The following ATG10 variants were observed in gnomAD, a reference collection of about 807,000 sequenced individuals.
ATG10 encodes the protein ubiquitin-like-conjugating enzyme ATG10.
ATG10 carries 30 observed loss-of-function variants against 32.1 expected under a neutral mutation model. The observed-to-expected ratio is 0.94, with a 90% CI of 0.70 to 1.27. The LOEUF (loss-of-function observed/expected upper bound fraction) is 1.27. Ranked by LOEUF, ATG10 falls within the 50% of genes most tolerant of loss-of-function variation. The pLI is 0.00. For synonymous variants in ATG10, 87 were observed against 91.5 expected (o/e 0.95, Z 0.28); for missense variants, 233 against 262.3 (o/e 0.89, Z 0.77).
intron 5 of ATG10, among the ~76,000 whole-genome samples, chr5:82,221,545 C>G (rs1488609487): frequency 6.6e-6 from 1 of 152,134 alleles, no homozygotes; most frequent in Non-Finnish European, 1.5e-5. Flanking sequence ...TACACCGTGT[C>G]TTGGTGTGGC....
At chr5:81,993,141 A>G (rs964552476) in intron 2 of ATG10, among the ~76,000 whole-genome samples, 2 of 152,132 alleles carry the variant, frequency 1.3e-5, no homozygotes, top group Non-Finnish European at 2.9e-5. Flanking sequence ...TTTACCATTT[A>G]CTAACTGGAT....
At chr5:82,158,958 C>T (rs1202495780) in intron 3 of ATG10, among the ~76,000 whole-genome samples, 1 of 151,940 alleles carries the variant, frequency 6.6e-6, no homozygotes, top group Admixed American at 6.6e-5. Context: ...AATACTGAGC[C>T]CTATATATAC....
At chr5:82,151,236 G>A (rs934299014) in intron 3 of ATG10, among the ~76,000 whole-genome samples, 1 of 152,120 alleles carries the variant, frequency 6.6e-6, no homozygotes, top group East Asian at 1.9e-4. Context: ...TATTTTAAGA[G>A]AGATGAGGTC....
Position 82,255,193 on chromosome 5 carries a change from A to T in ATG10, c.*1130A>T, listed in dbSNP as rs967772500. On this transcript the variant is annotated 3_prime_UTR_variant, in exon 8 of 8. Coordinates refer to ENST00000282185, the MANE Select transcript of ATG10 (RefSeq NM_031482.5). ...CATGTCCCTGAGACTTATTTTCCTCATCTTTAATTTGAAACTAACAAGCTA... is the reference window on the plus strand; with the variant it reads ...CATGTCCCTGAGACTTATTTTCCTCTTCTTTAATTTGAAACTAACAAGCTA... 1 of 152,156 alleles carries T rather than the reference A, an allele frequency of 6.6e-6. No individual in the cohort carries two copies. Among genetic ancestry groups the T allele is most frequent in the East Asian group, 1.9e-4 (1 of 5,200 alleles). 9.4% of individuals were successfully genotyped at this position (152,156 alleles called of 1,614,324 possible). A position where few individuals can be genotyped will look rare whatever the true frequency, so the allele number is the denominator to read the frequency against.
intron 3 of ATG10, among the ~76,000 whole-genome samples, chr5:82,128,624 C>T (rs965835001): frequency 6.7e-6 from 1 of 150,318 alleles, no homozygotes; most frequent in Non-Finnish European, 1.5e-5. Flanking sequence ...CCCCCACTCT[C>T]TTCTGGCTTG....
intron 2 of ATG10, among the ~76,000 whole-genome samples, chr5:82,008,555 ATACT>A (rs1185107475): frequency 6.6e-6 from 1 of 152,244 alleles, no homozygotes. Context: ...GAAAGCTATA[ATACT>A]TCACAAATTT....
intron 1 of ATG10, among the ~76,000 whole-genome samples, chr5:81,983,639 G>C (rs528033139): frequency 4.6e-5 from 7 of 150,878 alleles, no homozygotes; most frequent in South Asian, 2.1e-4. Flanking sequence ...CGGGCGGGGG[G>C]GCTGACCCTC....
chr5:82,045,321 A>T (rs1205014157), intron 2 of ATG10, among the ~76,000 whole-genome samples: 1 of 152,172 alleles, frequency 6.6e-6, no homozygotes, highest in African/African-American at 2.4e-5. Context: ...TTAGGTTAAG[A>T]CATTATATAT....
chr5:81,983,724 TA>T, intron 1 of ATG10, among the ~76,000 whole-genome samples: 1 of 119,886 alleles, frequency 8.3e-6, no homozygotes. Context: ...CTGCCGGGCG[TA>T]GGGGCTTCTC....
intron 2 of ATG10, among the ~76,000 whole-genome samples, chr5:81,989,583 T>C (rs905520398): frequency 6.6e-6 from 1 of 152,116 alleles, no homozygotes; most frequent in Non-Finnish European, 1.5e-5. Context: ...TTTTATAGTT[T>C]TGTTTGCTAT....
chr5:82,118,317 T>C (rs1384978237), intron 3 of ATG10, among the ~76,000 whole-genome samples: 1 of 143,346 alleles, frequency 7.0e-6, no homozygotes, highest in Non-Finnish European at 1.5e-5. Flanking sequence ...TGTGTGTGTG[T>C]ATATATATAT....
At chr5:82,097,058 A>G (rs933493389) in intron 3 of ATG10, among the ~76,000 whole-genome samples, 2 of 152,144 alleles carry the variant, frequency 1.3e-5, no homozygotes, top group Admixed American at 1.3e-4. Flanking sequence ...AATCTCCCAT[A>G]AAATTATGGT....
intron 5 of ATG10, among the ~76,000 whole-genome samples, chr5:82,219,347 GAATT>G (rs1265508966): frequency 1.3e-5 from 2 of 152,118 alleles, no homozygotes; most frequent in African/African-American, 4.8e-5. Context: ...TTCACACAGA[GAATT>G]AATTAGCATG....
chr5:82,012,388 A>T (rs1202332897), intron 2 of ATG10, among the ~76,000 whole-genome samples: 1 of 152,216 alleles, frequency 6.6e-6, no homozygotes, highest in Admixed American at 6.5e-5. Flanking sequence ...TCATTTGAGC[A>T]TCTTTTCATA....
chr5:82,156,825 A>C (rs1421376969), intron 3 of ATG10, among the ~76,000 whole-genome samples: 1 of 152,226 alleles, frequency 6.6e-6, no homozygotes, highest in East Asian at 1.9e-4. Context: ...AATAAGTGAT[A>C]AGTGCGATTA....
At chr5:82,211,389 AG>A (rs1745486058) in intron 5 of ATG10, among the ~76,000 whole-genome samples, 1 of 151,936 alleles carries the variant, frequency 6.6e-6, no homozygotes, top group Non-Finnish European at 1.5e-5. Flanking sequence ...CCACTCATCT[AG>A]CCCTACACGC....
At chr5:82,144,412 T>G (rs1184345411) in intron 3 of ATG10, among the ~76,000 whole-genome samples, 2 of 151,992 alleles carry the variant, frequency 1.3e-5, no homozygotes, top group African/African-American at 4.8e-5. Flanking sequence ...AAGTAACTGA[T>G]TTAAGACCTC....
chr5:82,104,729 A>G (rs1297090834), intron 3 of ATG10, among the ~76,000 whole-genome samples: 1 of 152,160 alleles, frequency 6.6e-6, no homozygotes, highest in Non-Finnish European at 1.5e-5. Flanking sequence ...GATCTGATAA[A>G]TAATACCTTT....
At chr5:81,983,688 C>T (rs905734437) in intron 1 of ATG10, among the ~76,000 whole-genome samples, 3 of 151,572 alleles carry the variant, frequency 2.0e-5, no homozygotes, top group East Asian at 3.9e-4. Context: ...CGGGCGGAGA[C>T]GCTCCTCACT....
Sources: allele counts gnomAD v4.1 joint callset (sites outside exome capture counted in the v4.1 genomes callset), GRCh38; gene constraint gnomAD v4.1.1; transcripts MANE v1.5; gene names NCBI Gene and HGNC (gene_info 2026-07-23, HGNC 2026-07-21).